The following WDFY4 variants were observed in gnomAD, a reference collection of about 807,000 sequenced individuals.
WDFY4 encodes the protein WDFY family member 4.
A neutral mutation model predicts 351.9 loss-of-function variants in WDFY4; 169 were observed. That is an observed-to-expected ratio of 0.48 (90% confidence interval 0.42 to 0.55). WDFY4 has a LOEUF of 0.55. WDFY4 is among the 20% of genes least tolerant of loss of function. The probability of loss-of-function intolerance (pLI) is 0.00; values close to 1 mark genes in which losing one functional copy is unlikely to be tolerated. For missense variants in WDFY4, 3,803 were observed against 3,935.6 expected, an observed-to-expected ratio of 0.97 and a Z score of 0.90; for synonymous variants, 1,622 against 1,574.6, an observed-to-expected ratio of 1.03 and a Z score of -0.71.
intron 1 of WDFY4, among the ~76,000 whole-genome samples, chr10:48,698,203 G>A (rs1306872273): frequency 6.6e-6 from 1 of 152,206 alleles, no homozygotes; most frequent in African/African-American, 2.4e-5. Context: ...TGAGGAGCAG[G>A]AGCCGGAATG....
intron 32 of WDFY4, among the ~76,000 whole-genome samples, chr10:48,819,087 A>C (rs940900609): frequency 2.6e-5 from 4 of 152,222 alleles, no homozygotes; most frequent in Non-Finnish European, 4.4e-5. Flanking sequence ...GCCCAGGTGC[A>C]CACTCTGACC....
intron 13 of WDFY4, among the ~76,000 whole-genome samples, chr10:48,769,118 A>G (rs1209462875): frequency 6.6e-6 from 1 of 152,196 alleles, no homozygotes; most frequent in African/African-American, 2.4e-5. Context: ...GAAAGTTTGG[A>G]GCAGGCACCC....
intron 20 of WDFY4, 80 bp from the exon 21 acceptor site, chr10:48,788,450 C>A: frequency 6.9e-7 from 1 of 1,458,556 alleles, no homozygotes; most frequent in Non-Finnish European, 9.2e-7. Flanking sequence ...TGCTGTGTGA[C>A]AGAGATATTA....
chr10:48,909,903 G>A (rs966346211), intron 47 of WDFY4: 1 of 293,700 alleles, frequency 3.4e-6, no homozygotes, highest in African/African-American at 2.2e-5. Context: ...ACTAGTCTGA[G>A]TGAAATGTAG....
At chr10:48,698,372 G>T (rs2063388102) in intron 1 of WDFY4, among the ~76,000 whole-genome samples, 2 of 152,182 alleles carry the variant, frequency 1.3e-5, no homozygotes, top group Non-Finnish European at 1.5e-5. Flanking sequence ...CAGTGACAAG[G>T]CCCCTGTGAC....
rs189764806 is a variant in WDFY4, at chr10:48,897,399, C to T, written c.7317-55C>T. Reference sequence around the variant, plus strand: ...GGGCAGGAAGAAGAAGAAGCCTGCACGTGTCCTCACTCTGATGTCTGAACA... The same window carrying T: ...GGGCAGGAAGAAGAAGAAGCCTGCATGTGTCCTCACTCTGATGTCTGAACA... On this transcript the variant is annotated intron_variant, in intron 44 of 61. Transcript: ENST00000325239. 872 of 1,533,066 alleles carry T rather than the reference C, an allele frequency of 5.7e-4. No individual in the cohort carries two copies. In the African/African-American group the frequency reaches 0.011, roughly 19 times the overall value. The allele number at this position is 1,533,066 out of a possible 1,614,324, so 95.0% of individuals were successfully genotyped here.
chr10:48,840,145 G>A (rs1351979309), intron 39 of WDFY4, among the ~76,000 whole-genome samples: 2 of 152,154 alleles, frequency 1.3e-5, no homozygotes, highest in African/African-American at 4.8e-5. Flanking sequence ...AACCTCAAAA[G>A]TTTCTGTTTT....
At chr10:48,788,434 T>C in intron 20 of WDFY4, 96 bp from the exon 21 acceptor site, 1 of 1,384,744 alleles carries the variant, frequency 7.2e-7, no homozygotes, top group Non-Finnish European at 9.8e-7. Flanking sequence ...CTCTCAATGA[T>C]TACTTTGCTG....
chr10:48,898,441 C>G (rs1034669691), intron 45 of WDFY4, among the ~76,000 whole-genome samples: 1 of 152,190 alleles, frequency 6.6e-6, no homozygotes, highest in Non-Finnish European at 1.5e-5. Context: ...TTCCCACCCT[C>G]TCTACAGGAT....
At chr10:48,881,914 C>T (rs2070266054) in intron 43 of WDFY4, among the ~76,000 whole-genome samples, 1 of 152,228 alleles carries the variant, frequency 6.6e-6, no homozygotes, top group Non-Finnish European at 1.5e-5. Flanking sequence ...GTGGATCCAT[C>T]CCCTGGGCCT....
At position 48,830,902 on chromosome 10, in the gene WDFY4, C is replaced by G. The variant is rs1385765365; in HGVS notation, c.6526+17C>G. ...ATTACTTAGGTCTCTATCCACTCGG[C>G]TCCAGGGAATGGGAACTCCTGGGTC... On this transcript the variant is annotated intron_variant, in intron 38 of 61. Transcript: ENST00000325239. 8 of 1,544,542 alleles carry G rather than the reference C, an allele frequency of 5.2e-6. No individual in the cohort carries two copies. Among genetic ancestry groups the G allele is most frequent in the Non-Finnish European group, 7.0e-6 (8 of 1,141,928 alleles).
chr10:48,863,975 A>C (rs1297033037), intron 39 of WDFY4, among the ~76,000 whole-genome samples: 1 of 152,160 alleles, frequency 6.6e-6, no homozygotes, highest in Non-Finnish European at 1.5e-5. Context: ...CAAGAACAGC[A>C]TGGGGGAAAC....
intron 39 of WDFY4, among the ~76,000 whole-genome samples, chr10:48,837,124 T>C (rs1156403072): frequency 1.3e-5 from 2 of 151,964 alleles, no homozygotes; most frequent in Non-Finnish European, 2.9e-5. Flanking sequence ...ATGCAATGTG[T>C]GTCATCATCT....
chr10:48,717,121 G>A (rs1408763353), intron 2 of WDFY4, among the ~76,000 whole-genome samples: 1 of 152,234 alleles, frequency 6.6e-6, no homozygotes, highest in African/African-American at 2.4e-5. Flanking sequence ...AAACCTCAAA[G>A]GCTTGTGGTG....
chr10:48,871,556 G>A (rs955415070), intron 40 of WDFY4, among the ~76,000 whole-genome samples: 1 of 148,782 alleles, frequency 6.7e-6, no homozygotes, highest in African/African-American at 2.5e-5. Context: ...GCCCACAGAA[G>A]CCTTGAACTC....
At chr10:48,953,327 T>TCA (rs1303775956) in intron 51 of WDFY4, among the ~76,000 whole-genome samples, 25 of 118,984 alleles carry the variant, frequency 2.1e-4, no homozygotes, top group Admixed American at 9.4e-4. Context: ...TCTCTCTCTC[T>TCA]CTCTCTCACA....
chr10:48,907,797 A>G (rs1837697477), intron 47 of WDFY4, among the ~76,000 whole-genome samples: 1 of 152,214 alleles, frequency 6.6e-6, no homozygotes, highest in South Asian at 2.1e-4. Context: ...TGGCTCCACC[A>G]CTGAGTAGAG....
chr10:48,912,914 C>A (rs1395353377), intron 47 of WDFY4, among the ~76,000 whole-genome samples: 1 of 152,198 alleles, frequency 6.6e-6, no homozygotes, highest in African/African-American at 2.4e-5. Context: ...CTGTCCCCTA[C>A]CCAACACCAA....
chr10:48,822,538 G>A lies in WDFY4; in HGVS notation c.5982+1G>A. ...CTTCATCCTGGAGCACATCATGGTG[G>A]TAAGAGCTGCTCACTGACCGGGTAT... On this transcript the variant is annotated splice_donor_variant, in intron 35 of 61. Transcript: ENST00000325239. LOFTEE classifies it high-confidence loss of function. 1 of 1,533,156 alleles carries A rather than the reference G, an allele frequency of 6.5e-7. No homozygotes were observed. The highest frequency in any genetic ancestry group is 8.8e-7 in the Non-Finnish European group (1 of 1,135,632). The allele number at this position is 1,533,156 out of a possible 1,614,324, so 95.0% of individuals were successfully genotyped here.
Sources: gnomAD v4.1 joint callset for allele counts (sites outside exome capture counted in the v4.1 genomes callset) on GRCh38, gnomAD v4.1.1 for gene constraint, MANE v1.5 for transcripts, NCBI Gene and HGNC (gene_info 2026-07-23, HGNC 2026-07-21) for gene names.